GRM5: variants seen among roughly 807,000 people sequenced by gnomAD.
The protein encoded by GRM5 is glutamate metabotropic receptor 5.
GRM5 carries 19 observed loss-of-function variants against 83.1 expected under a neutral mutation model. The observed-to-expected ratio is 0.23, with a 90% confidence interval of 0.16 to 0.34. The LOEUF (loss-of-function observed/expected upper bound fraction) is 0.34, where lower values mean the gene tolerates loss of function less well. Among genes scored for constraint, GRM5 ranks in the 10% least tolerant of loss-of-function variants. The pLI is 1.00. For missense variants in GRM5, 1,160 were observed against 1,588.3 expected (o/e 0.73, Z 4.58); for synonymous variants, 675 against 633.6 (o/e 1.07, Z -0.98).
At chr11:88,754,020 G>A (rs1359351729) in intron 3 of GRM5, among the ~76,000 whole-genome samples, 8 of 151,990 alleles carry the variant, frequency 5.3e-5, no homozygotes, top group Non-Finnish European at 1.0e-4. Context: ...CACAACACGT[G>A]GGAATTATGG....
intron 3 of GRM5, among the ~76,000 whole-genome samples, chr11:88,846,523 T>C (rs1944306026): frequency 6.6e-6 from 1 of 152,218 alleles, no homozygotes; most frequent in African/African-American, 2.4e-5. Context: ...GATGTGCTGA[T>C]GGATGAGGTT....
intron 2 of GRM5, among the ~76,000 whole-genome samples, chr11:89,042,646 C>G (rs1257510545): frequency 2.0e-5 from 3 of 152,048 alleles, no homozygotes; most frequent in Non-Finnish European, 4.4e-5. Context: ...TTCCACAGTA[C>G]CATTTATTAT....
chr11:89,002,081 G>A (rs1198096977), intron 2 of GRM5, among the ~76,000 whole-genome samples: 1 of 152,118 alleles, frequency 6.6e-6, no homozygotes, highest in African/African-American at 2.4e-5. Context: ...GACATAAAGT[G>A]AATGCCTGGA....
At chr11:89,007,463 G>A (rs1044084212) in intron 2 of GRM5, among the ~76,000 whole-genome samples, 2 of 152,126 alleles carry the variant, frequency 1.3e-5, no homozygotes, top group African/African-American at 4.8e-5. Flanking sequence ...CAACAAGAGT[G>A]ATTTTCATTA....
chr11:88,797,034 T>G (rs1943292653), intron 3 of GRM5, among the ~76,000 whole-genome samples: 1 of 152,078 alleles, frequency 6.6e-6, no homozygotes, highest in South Asian at 2.1e-4. Context: ...GTTGAATTAA[T>G]GTATACAAAA....
At chr11:88,735,868 A>G (rs1229104986) in intron 3 of GRM5, among the ~76,000 whole-genome samples, 2 of 152,076 alleles carry the variant, frequency 1.3e-5, no homozygotes, top group Non-Finnish European at 2.9e-5. Flanking sequence ...AAGATCATGA[A>G]GTGGTGTACT....
At chr11:88,735,775 C>G (rs369586803) in intron 3 of GRM5, among the ~76,000 whole-genome samples, 1 of 151,956 alleles carries the variant, frequency 6.6e-6, no homozygotes, top group East Asian at 1.9e-4. Flanking sequence ...AATGTCAGAC[C>G]GTTCGGGAGA....
intron 3 of GRM5, among the ~76,000 whole-genome samples, chr11:88,672,722 T>C (rs2135334487): frequency 6.6e-6 from 1 of 152,102 alleles, no homozygotes; most frequent in South Asian, 2.1e-4. Context: ...TTCTAGGCCA[T>C]ATTTATATAA....
In GRM5 at chr11:88,897,446, T is replaced by C. The variant is rs183532032; in HGVS notation, c.662-47291A>G. Among the ~76,000 whole-genome samples the C allele has an allele frequency of 6.3e-4, 96 of 152,048 alleles. No homozygotes were observed. The East Asian group carries it at 0.016, about 25-fold the overall frequency. ...AGTCTATTATTCCTTCTTAATACCA[T>C]GTTTTGGGCAACTACTCTTAATCAG... is the stretch of plus-strand genomic sequence containing the variant. On this transcript the variant is annotated intron_variant, in intron 2 of 9. Transcript: ENST00000305447.
intron 6 of GRM5, among the ~76,000 whole-genome samples, chr11:88,594,768 A>G (rs1292754060): frequency 6.6e-6 from 1 of 152,214 alleles, no homozygotes; most frequent in Non-Finnish European, 1.5e-5. Context: ...CACAGATGAA[A>G]AAACACATGA....
At chr11:88,715,700 G>C (rs1941385487) in intron 3 of GRM5, among the ~76,000 whole-genome samples, 1 of 152,002 alleles carries the variant, frequency 6.6e-6, no homozygotes, top group Non-Finnish European at 1.5e-5. Context: ...GGTATTTACT[G>C]TGTGCCAACT....
intron 8 of GRM5, among the ~76,000 whole-genome samples, chr11:88,545,570 T>C (rs1473939934): frequency 6.6e-6 from 1 of 151,904 alleles, no homozygotes; most frequent in African/African-American, 2.4e-5. Flanking sequence ...CTCTTCTCCT[T>C]GAGGTTGAAT....
In GRM5 at chr11:88,866,510, C is replaced by A. The variant is rs1944668557; in HGVS notation, c.662-16355G>T. On this transcript the variant is annotated intron_variant, in intron 2 of 9. Coordinates refer to ENST00000305447, the MANE Select transcript of GRM5 (RefSeq NM_001143831.3). The stretch of plus-strand genomic sequence containing the variant: ...GGCATGTGTATACCTATGTAACAAA[C>A]CTGCACATTCTGCACATGTATCCCA... Among the ~76,000 whole-genome samples the A allele has an allele frequency of 2.0e-5, 3 of 151,708 alleles. No homozygotes were observed. In the South Asian group the frequency reaches 6.2e-4, roughly 32 times the overall value.
intron 3 of GRM5, among the ~76,000 whole-genome samples, chr11:88,659,894 T>TTCTG (rs1201100974): frequency 2.0e-5 from 3 of 152,164 alleles, no homozygotes; most frequent in Admixed American, 2.0e-4. Flanking sequence ...AATTTTTTCT[T>TTCTG]TCTTCATTTC....
rs1428132488 is a variant in GRM5 at position 88,612,076 on chromosome 11, C to A, written c.1148-7112G>T. ...TGGTGCACTGCACCCACTAACTCGT[C>A]ATCTAGCATTAGGTATATCTCCCGA... is the stretch of plus-strand genomic sequence containing the variant. On this transcript the variant is annotated intron_variant, in intron 4 of 9. Coordinates refer to ENST00000305447, the MANE Select transcript of GRM5 (RefSeq NM_001143831.3). Among the ~76,000 whole-genome samples, 11 of 150,166 alleles carry A rather than the reference C, an allele frequency of 7.3e-5. No individual in the cohort carries two copies. In the South Asian group the frequency reaches 2.3e-3, roughly 32 times the overall value.
intron 3 of GRM5, among the ~76,000 whole-genome samples, chr11:88,835,267 C>T (rs1343000793): frequency 1.3e-5 from 2 of 152,010 alleles, no homozygotes; most frequent in African/African-American, 4.8e-5. Flanking sequence ...GAAGTAATTC[C>T]AGGGACAAAA....
intron 2 of GRM5, among the ~76,000 whole-genome samples, chr11:89,034,379 A>T (rs1190091103): frequency 1.3e-5 from 2 of 151,682 alleles, no homozygotes; most frequent in African/African-American, 4.8e-5. Context: ...ACACGACACA[A>T]TTTTTTTTAC....
At chr11:88,969,160 T>G (rs1286385065) in intron 2 of GRM5, among the ~76,000 whole-genome samples, 1 of 152,072 alleles carries the variant, frequency 6.6e-6, no homozygotes, top group Non-Finnish European at 1.5e-5. Flanking sequence ...CATTTAACTT[T>G]TGTTCCCATC....
intron 2 of GRM5, among the ~76,000 whole-genome samples, chr11:89,022,025 G>A (rs1940997484): frequency 1.3e-5 from 2 of 152,110 alleles, no homozygotes; most frequent in African/African-American, 2.4e-5. Context: ...ACAAAACAGA[G>A]TTTTGTGATA....
Sources: allele counts gnomAD v4.1 joint callset (sites outside exome capture counted in the v4.1 genomes callset), GRCh38; gene constraint gnomAD v4.1.1; transcripts MANE v1.5; gene names NCBI Gene and HGNC (gene_info 2026-07-23, HGNC 2026-07-21).